BST1: variants seen among roughly 807,000 people sequenced by gnomAD.
The protein encoded by BST1 is ADP-ribosyl cyclase/cyclic ADP-ribose hydrolase 2.
In BST1, 49 loss-of-function variants were observed where a neutral mutation model predicts 40.6. That is an observed-to-expected ratio of 1.21 (90% confidence interval 0.96 to 1.53). The LOEUF (loss-of-function observed/expected upper bound fraction) is 1.53, where lower values mean the gene tolerates loss of function less well. Among genes scored for constraint, BST1 ranks in the 40% most tolerant of loss-of-function variants. The probability of loss-of-function intolerance (pLI) is 0.00; values close to 1 mark genes in which losing one functional copy is unlikely to be tolerated. For synonymous variants in BST1, 157 were observed against 159.3 expected (o/e 0.99, Z 0.11); for missense variants, 423 against 395.9 (o/e 1.07, Z -0.58).
chr4:15,715,252 T>G, intron 4 of BST1, 33 bp from the exon 5 acceptor site: 1 of 1,599,440 alleles, frequency 6.3e-7, no homozygotes, highest in South Asian at 1.1e-5. Context: ...TGTCACGTCT[T>G]TATTTGCTAA....
At chr4:15,713,506 A>G (rs570061527) in intron 4 of BST1, among the ~76,000 whole-genome samples, 26 of 152,172 alleles carry the variant, frequency 1.7e-4, no homozygotes, top group African/African-American at 5.5e-4. Flanking sequence ...CTTTATGACA[A>G]TTCTGTGAGG....
intron 7 of BST1, among the ~76,000 whole-genome samples, chr4:15,722,045 A>G (rs1486185829): frequency 6.6e-6 from 1 of 151,852 alleles, no homozygotes; most frequent in Non-Finnish European, 1.5e-5. Context: ...GTGGCTTGGA[A>G]CTTCACATCT....
At chr4:15,761,460 G>A in the BST1 span, among the ~76,000 whole-genome samples, 3 of 152,042 alleles carry the variant, frequency 2.0e-5, no homozygotes, top group East Asian at 1.9e-4. Context: ...TACAGGGAAC[G>A]TATTGAAGTG....
At chr4:15,723,123 A>C (rs1233111707) in intron 8 of BST1, among the ~76,000 whole-genome samples, 189 bp downstream of exon 8, 1 of 152,222 alleles carries the variant, frequency 6.6e-6, no homozygotes, top group Admixed American at 6.5e-5. Context: ...CACGCTACAC[A>C]TAACGTCCTG....
At chr4:15,750,371 T>C in the BST1 span, among the ~76,000 whole-genome samples, 1 of 152,228 alleles carries the variant, frequency 6.6e-6, no homozygotes, top group Non-Finnish European at 1.5e-5. Flanking sequence ...ATGTGATGTA[T>C]GTTTTTCTGG....
the BST1 span, among the ~76,000 whole-genome samples, chr4:15,757,117 A>G: frequency 6.6e-6 from 1 of 151,954 alleles, no homozygotes; most frequent in Non-Finnish European, 1.5e-5. Context: ...TTCACCTTAT[A>G]TTTCCTCCCT....
chr4:15,739,949 C>G (rs959677687), downstream of BST1, among the ~76,000 whole-genome samples: 10 of 151,018 alleles, frequency 6.6e-5, no homozygotes, highest in African/African-American at 2.2e-4. Flanking sequence ...GACAGAGAAA[C>G]AGAGAGAGAC....
At chr4:15,703,559 T>A (rs1321434392) in intron 1 of BST1, among the ~76,000 whole-genome samples, 2 of 137,020 alleles carry the variant, frequency 1.5e-5, no homozygotes, top group African/African-American at 5.6e-5. Flanking sequence ...GGTCTAGAGA[T>A]GAGTGTGTGT....
the BST1 span, among the ~76,000 whole-genome samples, chr4:15,755,149 A>AT: frequency 1.3e-5 from 2 of 151,266 alleles, no homozygotes; most frequent in South Asian, 4.2e-4. Flanking sequence ...TTATTTTTTT[A>AT]TTTTTTTGAG....
At chr4:15,732,958 C>T (rs973861876), downstream of BST1, among the ~76,000 whole-genome samples, 32 of 152,190 alleles carry the variant, frequency 2.1e-4, no homozygotes, top group African/African-American at 7.0e-4. Flanking sequence ...CTGGTGGGTT[C>T]GTGGTCTCGC....
chr4:15,727,595 A>G (rs1252800573), intron 8 of BST1, among the ~76,000 whole-genome samples: 2 of 152,244 alleles, frequency 1.3e-5, no homozygotes, highest in Non-Finnish European at 2.9e-5. Context: ...TTCTTGGCAT[A>G]CATTAAAACA....
At chr4:15,769,088 A>G in the BST1 span, among the ~76,000 whole-genome samples, 1 of 152,220 alleles carries the variant, frequency 6.6e-6, no homozygotes, top group Non-Finnish European at 1.5e-5. Context: ...AAAAAAAACA[A>G]GAATTATGTA....
chr4:15,737,864 C>G (rs545538700), exon 7 of BST1: 26 of 1,251,358 alleles, frequency 2.1e-5, no homozygotes, highest in Non-Finnish European at 2.7e-5. Context: ...ACTCCCACAG[C>G]AAGGAAGCCG....
At chr4:15,725,556 A>C (rs183050758) in intron 8 of BST1, among the ~76,000 whole-genome samples, 1 of 152,192 alleles carries the variant, frequency 6.6e-6, no homozygotes, top group African/African-American at 2.4e-5. Context: ...AAAGTTACCT[A>C]CTACCAAGTT....
chr4:15,727,239 T>C (rs2148894041), intron 8 of BST1, among the ~76,000 whole-genome samples: 1 of 152,288 alleles, frequency 6.6e-6, no homozygotes, highest in East Asian at 1.9e-4. Context: ...CCTTAAAATG[T>C]CTCTGGGTCT....
intron 1 of BST1, among the ~76,000 whole-genome samples, chr4:15,705,272 C>G (rs555871183): frequency 6.6e-6 from 1 of 152,012 alleles, no homozygotes; most frequent in African/African-American, 2.4e-5. Flanking sequence ...TCTCCGTGAG[C>G]CTGGGGCAAG....
the BST1 span, among the ~76,000 whole-genome samples, chr4:15,768,480 CTTTTTTT>C: frequency 3.6e-4 from 33 of 91,088 alleles, no homozygotes; most frequent in African/African-American, 1.4e-3. Context: ...TGGACAGTAT[CTTTTTTT>C]TTTTTTTTTT....
intron 2 of BST1, among the ~76,000 whole-genome samples, chr4:15,705,983 C>T (rs542152514): frequency 3.9e-5 from 6 of 152,154 alleles, no homozygotes; most frequent in Non-Finnish European, 8.8e-5. Flanking sequence ...AAAGTGGGAG[C>T]AGGTGTCTTA....
At chr4:15,753,782 T>C in the BST1 span, among the ~76,000 whole-genome samples, 7 of 152,314 alleles carry the variant, frequency 4.6e-5, no homozygotes, top group African/African-American at 1.7e-4. Context: ...GGAGGTTTAA[T>C]AGGGACTATC....
Sources: allele counts gnomAD v4.1 joint callset (sites outside exome capture counted in the v4.1 genomes callset), GRCh38; gene constraint gnomAD v4.1.1; transcripts MANE v1.5; gene names NCBI Gene and HGNC (gene_info 2026-07-23, HGNC 2026-07-21).